SCARA5: variants seen among roughly 807,000 people sequenced by gnomAD.
SCARA5 encodes scavenger receptor class A member 5.
SCARA5 carries 45 observed loss-of-function variants against 46.3 expected under a neutral mutation model. The ratio of observed to expected loss-of-function variants is 0.97; its 90% CI spans 0.76 to 1.24. The LOEUF is 1.24. Among genes scored for constraint, SCARA5 ranks in the 50% most tolerant of loss-of-function variants. The pLI, the probability that SCARA5 is intolerant of heterozygous loss-of-function variation, is 0.00. For synonymous variants in SCARA5, 333 were observed against 306.5 expected, an observed-to-expected ratio of 1.09 and a Z score of -0.90; for missense variants, 680 against 689.0, an observed-to-expected ratio of 0.99 and a Z score of 0.15.
At chr8:27,872,371 A>G (rs1806653540) in intron 8 of SCARA5, among the ~76,000 whole-genome samples, 1 of 152,244 alleles carries the variant, frequency 6.6e-6, no homozygotes, top group African/African-American at 2.4e-5. Flanking sequence ...TTAAAGTCTT[A>G]AACTCTGTCA....
chr8:27,941,800 C>CATTATT (rs71536304), intron 3 of SCARA5, among the ~76,000 whole-genome samples: 46,803 of 134,894 alleles, frequency 0.35, 8,181 homozygotes, highest in East Asian at 0.37. Context: ...TTTACATCAT[C>CATTATT]ATTATTATTA....
chr8:27,986,977 T>C (rs2129986615), intron 2 of SCARA5, among the ~76,000 whole-genome samples: 1 of 152,364 alleles, frequency 6.6e-6, no homozygotes, highest in East Asian at 1.9e-4. Flanking sequence ...TCCAGGGTTT[T>C]AGCAAATAAG....
intron 2 of SCARA5, among the ~76,000 whole-genome samples, chr8:27,975,622 G>A (rs1808511137): frequency 2.0e-5 from 3 of 152,240 alleles, no homozygotes. Context: ...TTGATGGAGA[G>A]AAATCCTCAT....
intron 2 of SCARA5, among the ~76,000 whole-genome samples, chr8:27,970,887 T>A (rs560709850): frequency 5.3e-5 from 8 of 152,188 alleles, no homozygotes; most frequent in African/African-American, 1.9e-4. Context: ...TGGCTTTTTT[T>A]TAAAAAAAAA....
chr8:27,933,473 G>A (rs1426457650), intron 3 of SCARA5, among the ~76,000 whole-genome samples: 1 of 140,248 alleles, frequency 7.1e-6, no homozygotes, highest in Non-Finnish European at 1.5e-5. Context: ...AGTGAGCCAA[G>A]ATCATGCCAC....
rs370828639 is a variant in SCARA5, at chr8:27,921,780, T to C, written c.707A>G (p.Tyr236Cys). Residue 236 changes from tyrosine (Y) to cysteine (C), a missense_variant, in exon 4 of 9, where the codon TAC (tyrosine) becomes TGC (cysteine). By Grantham distance (194) the Tyr-to-Cys change is radical. Coordinates refer to ENST00000354914, the MANE Select transcript of SCARA5 (RefSeq NM_173833.6). ...VLRGLNHSLS[Y>C]DVALHRTRLQ... ...CCGCGTGCGGTGGAGGGCCACGTCG[T>C]AGGACAGGCTGTGGTTGAGGCCGCG... 7.6e-6 allele frequency: 12 copies of C among 1,573,050 alleles called. No homozygotes were observed. Among genetic ancestry groups the C allele is most frequent in the Non-Finnish European group, 8.6e-6 (10 of 1,163,604 alleles).
intron 4 of SCARA5, 66 bp from the exon 5 acceptor site, chr8:27,909,809 A>T (rs1807343587): frequency 1.7e-6 from 2 of 1,161,546 alleles, no homozygotes; most frequent in Admixed American, 4.2e-5. Context: ...GGTCATCTGT[A>T]GAGGAAACAA....
At chr8:27,885,442 G>A (rs13281095) in intron 7 of SCARA5, among the ~76,000 whole-genome samples, 55,571 of 151,986 alleles carry the variant, frequency 0.37, 10,921 homozygotes, top group African/African-American at 0.49. Flanking sequence ...TACTCTCTTA[G>A]GACACTGTGA....
At chr8:27,976,747 T>C (rs1383223528) in intron 2 of SCARA5, among the ~76,000 whole-genome samples, 1 of 152,188 alleles carries the variant, frequency 6.6e-6, no homozygotes, top group Non-Finnish European at 1.5e-5. Context: ...CCTCCAGCTC[T>C]GCTACTTACG....
Position 27,872,074 on chromosome 8 carries a change from T to C in SCARA5, c.1352-4A>G, listed in dbSNP as rs775155044. 1.0e-4 allele frequency: 169 copies of C among 1,613,988 alleles called. No individual in the cohort carries two copies. Among genetic ancestry groups the C allele is most frequent in the Non-Finnish European group, 1.3e-4 (159 of 1,179,988 alleles). ...TCCATCCAGATCCTCCCAGTGCCTG[T>C]GGAGACAGGGAAACACAGCTATAAG... On this transcript the variant is annotated splice_region_variant and splice_polypyrimidine_tract_variant and intron_variant, in intron 8 of 8. Coordinates refer to ENST00000354914, the MANE Select transcript of SCARA5 (RefSeq NM_173833.6).
intron 2 of SCARA5, among the ~76,000 whole-genome samples, chr8:27,982,347 TC>T (rs1808634389): frequency 2.4e-5 from 3 of 126,646 alleles, no homozygotes; most frequent in Non-Finnish European, 4.8e-5. Flanking sequence ...CGGCTGCATA[TC>T]GGGGAAACCA....
At chr8:27,987,823 C>A (rs1288614900) in intron 1 of SCARA5, among the ~76,000 whole-genome samples, 193 bp from the exon 2 acceptor site, 2 of 152,210 alleles carry the variant, frequency 1.3e-5, no homozygotes, top group Non-Finnish European at 2.9e-5. Context: ...GCCGTGATGC[C>A]CCCACTCCCA....
At chr8:27,894,416 C>T (rs1807029831) in intron 7 of SCARA5, among the ~76,000 whole-genome samples, 1 of 152,240 alleles carries the variant, frequency 6.6e-6, no homozygotes, top group Admixed American at 6.5e-5. Context: ...ATGGGGTCTG[C>T]CGGATCCACT....
At chr8:27,943,577 A>G (rs1237507815) in intron 3 of SCARA5, among the ~76,000 whole-genome samples, 1 of 152,206 alleles carries the variant, frequency 6.6e-6, no homozygotes, top group Non-Finnish European at 1.5e-5. Context: ...GTGCTTGCCA[A>G]TGTTTGAGGT....
chr8:27,898,391 A>T lies in SCARA5; in HGVS notation c.1153+6387T>A, dbSNP rs957325929. On this transcript the variant is annotated intron_variant, in intron 7 of 8. Coordinates refer to ENST00000354914, the MANE Select transcript of SCARA5 (RefSeq NM_173833.6). ...TCCCATCCTCTGCACAGAACCGGGG[A>T]AAAAAGAGGAAATTGTGGCCGGAGA... Among the ~76,000 whole-genome samples, 6 of 152,294 alleles carry T rather than the reference A, an allele frequency of 3.9e-5. No individual in the cohort carries two copies. The East Asian group carries it at 9.7e-4, about 25-fold the overall frequency.
intron 6 of SCARA5, among the ~76,000 whole-genome samples, chr8:27,905,420 C>T (rs1230373647): frequency 6.6e-6 from 1 of 151,128 alleles, no homozygotes; most frequent in Non-Finnish European, 1.5e-5. Flanking sequence ...TTCCAAGGAC[C>T]CCCAGAAAGA....
intron 7 of SCARA5, chr8:27,904,445 G>A (rs1459625630): frequency 2.0e-5 from 10 of 491,936 alleles, no homozygotes; most frequent in Non-Finnish European, 3.6e-5. Flanking sequence ...GACCTTATAA[G>A]GTAAAGACTC....
intron 3 of SCARA5, among the ~76,000 whole-genome samples, chr8:27,947,708 T>TG (rs1266740813): frequency 3.5e-5 from 4 of 112,910 alleles, no homozygotes; most frequent in Non-Finnish European, 7.3e-5. Flanking sequence ...GTGTCTCTAC[T>TG]AAAAAAAAAA....
chr8:27,969,676 C>T (rs186491482), intron 2 of SCARA5, among the ~76,000 whole-genome samples: 5 of 152,244 alleles, frequency 3.3e-5, no homozygotes, highest in Non-Finnish European at 5.9e-5. Context: ...GATGTGTCAA[C>T]ATAGGTTCAC....
Sources: allele counts gnomAD v4.1 joint callset (sites outside exome capture counted in the v4.1 genomes callset), GRCh38; gene constraint gnomAD v4.1.1; transcripts MANE v1.5; gene names NCBI Gene and HGNC (gene_info 2026-07-23, HGNC 2026-07-21).